The following TMBIM1 variants were observed in gnomAD, a reference collection of about 807,000 sequenced individuals.
TMBIM1 encodes transmembrane BAX inhibitor motif containing 1.
Under a neutral mutation model 45.1 loss-of-function variants are expected in TMBIM1, and 34 were observed. The ratio of observed to expected loss-of-function variants is 0.75; its 90% CI spans 0.57 to 1.00. The LOEUF (loss-of-function observed/expected upper bound fraction) is 1.00, where lower values mean the gene tolerates loss of function less well. Ranked by LOEUF, TMBIM1 falls within the 50% of genes least tolerant of loss-of-function variation. The pLI is 0.00. For synonymous variants in TMBIM1, 157 were observed against 153.5 expected, an observed-to-expected ratio of 1.02 and a Z score of -0.17; for missense variants, 374 against 402.4, an observed-to-expected ratio of 0.93 and a Z score of 0.60.
intron 1 of TMBIM1, among the ~76,000 whole-genome samples, chr2:218,282,966 G>C (rs996937391): frequency 3.9e-5 from 6 of 152,216 alleles, no homozygotes; most frequent in Non-Finnish European, 4.4e-5. Context: ...CTAGGGAAGA[G>C]AGAGTGAGTG....
chr2:218,289,636 A>AAAC (rs1692800789), intron 1 of TMBIM1, among the ~76,000 whole-genome samples: 3 of 150,566 alleles, frequency 2.0e-5, no homozygotes, highest in Admixed American at 6.6e-5. Flanking sequence ...AAAAAAAAAA[A>AAAC]AAAAAAAAAA....
At position 218,277,930 on chromosome 2, in the gene TMBIM1, C is replaced by G; in HGVS notation, c.513+5G>C. ...CACACCCTCCTGCCACCCTTCTAGA[C>G]TTACAAAAAGGGTCAGCAGAATGAT... On this transcript the variant is annotated splice_donor_5th_base_variant and intron_variant, in intron 7 of 11. Coordinates refer to ENST00000258412, the MANE Select transcript of TMBIM1 (RefSeq NM_022152.6). The G allele has an allele frequency of 6.2e-7, 1 of 1,614,164 alleles. No homozygotes were observed. The highest frequency in any genetic ancestry group is 8.5e-7 in the Non-Finnish European group (1 of 1,180,004).
At chr2:218,279,653 A>T (rs1444985861) in intron 3 of TMBIM1, 1 of 488,472 alleles carries the variant, frequency 2.0e-6, no homozygotes, top group Non-Finnish European at 3.7e-6. Flanking sequence ...CTCAGTCTGC[A>T]CGCTCTATGC....
chr2:218,281,956 C>G lies in TMBIM1; in HGVS notation c.186G>C (p.Pro62=). The G allele has an allele frequency of 6.3e-7, 1 of 1,598,678 alleles. No individual in the cohort carries two copies. Among genetic ancestry groups the G allele is most frequent in the Non-Finnish European group, 8.5e-7 (1 of 1,173,588 alleles). Reference sequence around the variant, plus strand: ...AGGACTCACCGTAGTTCATGGGCATCGGGTGGGTGGGGGGCATGGGCTGTG... The same window carrying G: ...AGGACTCACCGTAGTTCATGGGCATGGGGTGGGTGGGGGGCATGGGCTGTG... ...GYPQPMPPTH[P]MPMNYGPGHG... The change falls in exon 2 of 12, where the codon CCG becomes CCC. Residue 62 remains proline, a synonymous_variant. Coordinates refer to ENST00000258412, the MANE Select transcript of TMBIM1 (RefSeq NM_022152.6).
At chr2:218,280,215 G>A (rs771664213) in intron 2 of TMBIM1, 89 bp from the exon 3 acceptor site, 3 of 956,510 alleles carry the variant, frequency 3.1e-6, no homozygotes, top group South Asian at 2.7e-5. Flanking sequence ...AAGTCTCAGG[G>A]ATCTCCAGCC....
intron 7 of TMBIM1, 26 bp from the exon 8 acceptor site, chr2:218,277,696 G>A: frequency 6.2e-7 from 1 of 1,614,098 alleles, no homozygotes; most frequent in Non-Finnish European, 8.5e-7. Flanking sequence ...AGACAAGAAT[G>A]AAACACTTAA....
chr2:218,282,043 T>G lies in TMBIM1; in HGVS notation c.99A>C (p.Pro33=), dbSNP rs1359519195. ...PGGYGQPSVL[P]GGYPAYPGYP... is the part of the protein sequence containing the mutation. ...AGCCAGGGTAGGCAGGATACCCTCC[T>G]GGCAGGACAGATGGCTGCCCATAGC... Residue 33 remains proline, a synonymous_variant, in exon 2 of 12, where the codon CCA becomes CCC. Transcript: ENST00000258412. 1 of 1,603,574 alleles carries G rather than the reference T, an allele frequency of 6.2e-7. No homozygotes were observed. Among genetic ancestry groups the G allele is most frequent in the Non-Finnish European group, 8.5e-7 (1 of 1,175,772 alleles).
In TMBIM1 at chr2:218,282,151, C is replaced by G. The variant is rs113419042; in HGVS notation, c.-10G>C. On this transcript the variant is annotated 5_prime_UTR_variant, in exon 2 of 12. Coordinates refer to ENST00000258412, the MANE Select transcript of TMBIM1 (RefSeq NM_022152.6). ...CGCTGGGGTTGGACATGGCTGCTCA[C>G]GGGCTGAGGGGGAACCCCAGCTGCT... 22 of 1,474,254 alleles carry G rather than the reference C, an allele frequency of 1.5e-5. No individual in the cohort carries two copies. Among genetic ancestry groups the G allele is most frequent in the South Asian group, 1.0e-4 (7 of 70,010 alleles). The allele number at this position is 1,474,254 out of a possible 1,614,324, so 91.3% of individuals were successfully genotyped here. A position where few individuals can be genotyped will look rare whatever the true frequency, so the allele number is the denominator to read the frequency against.
intron 6 of TMBIM1, 132 bp from the exon 7 acceptor site, chr2:218,278,106 T>A: frequency 1.0e-6 from 1 of 998,714 alleles, no homozygotes; most frequent in Non-Finnish European, 1.5e-6. Flanking sequence ...GAGGTTGGCA[T>A]GGCCTTTGGC....
At chr2:218,276,966 A>C (rs1691279008) in intron 10 of TMBIM1, 38 bp downstream of exon 10, 1 of 1,554,658 alleles carries the variant, frequency 6.4e-7, no homozygotes, top group African/African-American at 1.4e-5. Context: ...TGCCCTGAGC[A>C]CTGGGTTCCC....
intron 11 of TMBIM1, 67 bp downstream of exon 11, chr2:218,275,959 G>A: frequency 6.5e-7 from 1 of 1,542,744 alleles, no homozygotes; most frequent in African/African-American, 1.4e-5. Flanking sequence ...CTAAATTCAT[G>A]CCCCCTTCCC....
At chr2:218,277,878 T>G in intron 7 of TMBIM1, 57 bp downstream of exon 7, 2 of 1,610,502 alleles carry the variant, frequency 1.2e-6, no homozygotes, top group Non-Finnish European at 1.7e-6. Flanking sequence ...ATCCCTTCCC[T>G]GGGAGCAGTC....
intron 1 of TMBIM1, chr2:218,290,136 C>T (rs145314280): frequency 2.0e-5 from 3 of 152,342 alleles, no homozygotes; most frequent in East Asian, 1.9e-4. Flanking sequence ...AAAGAACACG[C>T]CCCAGGAGAC....
chr2:218,282,132 G>C lies in TMBIM1; in HGVS notation c.10C>G (p.Pro4Ala). The part of the protein sequence containing the change: MSN[P>A]SAPPPYEDRN... Reference sequence around the variant, plus strand: ...TCTTCATATGGTGGTGGGGCGCTGGGGTTGGACATGGCTGCTCACGGGCTG... The same window carrying C: ...TCTTCATATGGTGGTGGGGCGCTGGCGTTGGACATGGCTGCTCACGGGCTG... The change falls in exon 2 of 12, where the codon CCC becomes GCC. Residue 4 changes from proline (P) to alanine (A), a missense_variant. Coordinates refer to ENST00000258412, the MANE Select transcript of TMBIM1 (RefSeq NM_022152.6). 1 of 1,510,242 alleles carries C rather than the reference G, an allele frequency of 6.6e-7. No homozygotes were observed. The allele number at this position is 1,510,242 out of a possible 1,614,324, so 93.6% of individuals were successfully genotyped here.
chr2:218,275,233 A>G lies in TMBIM1; in HGVS notation c.*242T>C. 2.4e-6 allele frequency: 1 copy of G among 409,752 alleles called. No homozygotes were observed. Among genetic ancestry groups the G allele is most frequent in the African/African-American group, 2.0e-5 (1 of 48,908 alleles). 25.4% of individuals were successfully genotyped at this position (409,752 alleles called of 1,614,324 possible). A position where few individuals can be genotyped will look rare whatever the true frequency, so the allele number is the denominator to read the frequency against. On this transcript the variant is annotated 3_prime_UTR_variant, in exon 12 of 12. Transcript: ENST00000258412. Reference sequence around the variant, plus strand: ...ACAGTAGGTGGCGGGGAGAAGACACATCTTCAGCCTAGTCCCTGCCAAGCC... The same window carrying G: ...ACAGTAGGTGGCGGGGAGAAGACACGTCTTCAGCCTAGTCCCTGCCAAGCC...
chr2:218,283,842 G>A (rs1001685247), intron 1 of TMBIM1, among the ~76,000 whole-genome samples: 1 of 152,098 alleles, frequency 6.6e-6, no homozygotes, highest in African/African-American at 2.4e-5. Context: ...AGAGGGGCTG[G>A]GATAGAACCA....
rs1278283078 is a variant in TMBIM1, at chr2:218,282,158, A to AGG, written c.-19_-18dup. 6.8e-7 allele frequency: 1 copy of AGG among 1,466,280 alleles called. No individual in the cohort carries two copies. The highest frequency in any genetic ancestry group is 1.4e-5 in the African/African-American group (1 of 69,006). 90.8% of individuals were successfully genotyped at this position (1,466,280 alleles called of 1,614,324 possible). On this transcript the variant is annotated 5_prime_UTR_variant, in exon 2 of 12. Transcript: ENST00000258412. Reference sequence around the variant, plus strand: ...GTTGGACATGGCTGCTCACGGGCTGAGGGGGAACCCCAGCTGCTGGGACCT... The same window carrying AGG: ...GTTGGACATGGCTGCTCACGGGCTGAGGGGGGGAACCCCAGCTGCTGGGACCT...
At chr2:218,275,663 G>GT (rs763929698) in intron 11 of TMBIM1, 42 bp from the exon 12 acceptor site, 11 of 1,590,788 alleles carry the variant, frequency 6.9e-6, no homozygotes, top group Non-Finnish European at 7.7e-6. Flanking sequence ...TCAGGCATCA[G>GT]TGTCCAGAGC....
At chr2:218,276,885 G>T in intron 10 of TMBIM1, 119 bp downstream of exon 10, 1 of 773,842 alleles carries the variant, frequency 1.3e-6, no homozygotes, top group South Asian at 1.6e-5. Context: ...CTAGCCAGTC[G>T]AGAGGTTCTG....
Sources: allele counts gnomAD v4.1 joint callset (sites outside exome capture counted in the v4.1 genomes callset), GRCh38; gene constraint gnomAD v4.1.1; transcripts MANE v1.5; gene names NCBI Gene and HGNC (gene_info 2026-07-23, HGNC 2026-07-21).